NRDC: variants seen among roughly 807,000 people sequenced by gnomAD.
NRDC encodes nardilysin.
In NRDC, 54 loss-of-function variants were observed where a neutral mutation model predicts 147.1. That is an observed-to-expected ratio of 0.37 (90% CI 0.29 to 0.46). The LOEUF (loss-of-function observed/expected upper bound fraction) is 0.46, where lower values mean the gene tolerates loss of function less well. Ranked by LOEUF, NRDC falls within the 20% of genes least tolerant of loss-of-function variation. The pLI, the probability that NRDC is intolerant of heterozygous loss-of-function variation, is 1.00. For missense variants in NRDC, 1,082 were observed against 1,370.6 expected (o/e 0.79, Z 3.33); for synonymous variants, 440 against 482.1 (o/e 0.91, Z 1.14).
chr1:51,841,274 A>G (rs1333102709), intron 1 of NRDC, among the ~76,000 whole-genome samples: 1 of 152,046 alleles, frequency 6.6e-6, no homozygotes, highest in African/African-American at 2.4e-5. Context: ...ATGACTAGGT[A>G]TCTATTACAG....
intron 1 of NRDC, among the ~76,000 whole-genome samples, chr1:51,859,467 T>G (rs2124064589): frequency 6.6e-6 from 1 of 152,344 alleles, no homozygotes; most frequent in East Asian, 1.9e-4. Context: ...GGCCACCAGC[T>G]GCAAGGCAGA....
rs746684379 is a variant in NRDC, at chr1:51,836,480, G to A, written c.631-268C>T. Reference sequence around the variant, plus strand: ...GAAACAGACAGAAAAAAAGGGAAGAGGGACTGGACAGCCCACCCAAATATC... The same window carrying A: ...GAAACAGACAGAAAAAAAGGGAAGAAGGACTGGACAGCCCACCCAAATATC... On this transcript the variant is annotated intron_variant, in intron 2 of 30. Coordinates refer to ENST00000352171, the MANE Select transcript of NRDC (RefSeq NM_001101662.2). 34 of 1,540,908 alleles carry A rather than the reference G, an allele frequency of 2.2e-5. 1 individual carries two copies. The Middle Eastern group carries it at 2.9e-3, about 130-fold the overall frequency.
chr1:51,810,136 G>A (rs41293257), intron 16 of NRDC, 145 bp downstream of exon 16: 22 of 485,572 alleles, frequency 4.5e-5, no homozygotes, highest in Non-Finnish European at 7.3e-5. Context: ...TTCCTGTGCA[G>A]TAGTATAAGT....
chr1:51,862,937 G>A (rs1204163903), intron 1 of NRDC, among the ~76,000 whole-genome samples: 1 of 146,874 alleles, frequency 6.8e-6, no homozygotes, highest in East Asian at 2.0e-4. Context: ...TTGAACCTGG[G>A]AGGCAGAGTT....
intron 16 of NRDC, 76 bp downstream of exon 16, chr1:51,810,205 T>C: frequency 8.5e-7 from 1 of 1,173,656 alleles, no homozygotes; most frequent in Non-Finnish European, 1.2e-6. Flanking sequence ...TCTAGAACCA[T>C]TAAATTATTA....
At chr1:51,833,477 G>GAA (rs2149217490) in intron 4 of NRDC, among the ~76,000 whole-genome samples, 1 of 148,684 alleles carries the variant, frequency 6.7e-6, no homozygotes, top group South Asian at 2.1e-4. Context: ...AGTCAACAGA[G>GAA]AATACATAAT....
chr1:51,839,719 A>G (rs545680061), intron 2 of NRDC, among the ~76,000 whole-genome samples: 23 of 152,308 alleles, frequency 1.5e-4, no homozygotes, highest in African/African-American at 5.3e-4. Context: ...AAAGTGCTAA[A>G]TCAAACTCAA....
chr1:51,850,765 T>C (rs1366170368), intron 1 of NRDC, among the ~76,000 whole-genome samples: 1 of 152,210 alleles, frequency 6.6e-6, no homozygotes, highest in East Asian at 1.9e-4. Flanking sequence ...ACTCGTCTGC[T>C]ATCCTGAAAT....
rs1400942474 is a variant in NRDC at position 51,805,567 on chromosome 1, AG to A, written c.2111-7del. On this transcript the variant is annotated splice_region_variant and splice_polypyrimidine_tract_variant and intron_variant, in intron 18 of 30. Coordinates refer to ENST00000352171, the MANE Select transcript of NRDC (RefSeq NM_001101662.2). ...TAGATGGAAACGTATATATGCTAAA[AG>A]AAAAAAGACCATAGATAAAAAAGGT... The A allele has an allele frequency of 6.4e-7, 1 of 1,565,926 alleles. No homozygotes were observed. The highest frequency in any genetic ancestry group is 2.0e-5 in the Admixed American group (1 of 49,514).
intron 9 of NRDC, 44 bp downstream of exon 9, chr1:51,819,756 T>C (rs761965413): frequency 1.4e-6 from 2 of 1,456,154 alleles, no homozygotes; most frequent in Non-Finnish European, 1.9e-6. Context: ...ATAGAGAATG[T>C]GCTAACATTA....
At chr1:51,838,836 G>A (rs1413998854) in intron 2 of NRDC, among the ~76,000 whole-genome samples, 1 of 151,950 alleles carries the variant, frequency 6.6e-6, no homozygotes, top group Middle Eastern at 3.2e-3. Context: ...TGTTCATAGA[G>A]ACCTTAGCAT....
chr1:51,815,834 T>G (rs1329656295), intron 11 of NRDC: 1 of 152,234 alleles, frequency 6.6e-6, no homozygotes. Flanking sequence ...ACAGGTGCTT[T>G]AATGCTTAGG....
chr1:51,874,073 G>A (rs911058627), intron 1 of NRDC, among the ~76,000 whole-genome samples: 4 of 150,284 alleles, frequency 2.7e-5, no homozygotes, highest in Non-Finnish European at 5.9e-5. Flanking sequence ...GGTGGGGCAG[G>A]TTGTGATGGT....
rs138020449 is a variant in NRDC, at chr1:51,834,109, C to A, written c.774G>T (p.Lys258Asn). The change falls in exon 4 of 31, where the codon AAG (lysine) becomes AAT (asparagine). Residue 258 changes from lysine to asparagine, a missense_variant. Coordinates refer to ENST00000352171, the MANE Select transcript of NRDC (RefSeq NM_001101662.2). ...TTGAGGCATTATCACTACCCCCATG[C>A]TTCTTCAGGAAGGCATCAAATCCAT... ...DENGFDAFLKKHGGSDNASTD... is the reference protein window; with the variant it reads ...DENGFDAFLKNHGGSDNASTD... The A allele has an allele frequency of 8.7e-6, 14 of 1,613,972 alleles. No homozygotes were observed. The African/African-American group carries it at 1.5e-4, about 17-fold the overall frequency.
intron 1 of NRDC, among the ~76,000 whole-genome samples, chr1:51,846,476 T>C (rs893972813): frequency 6.6e-6 from 1 of 152,244 alleles, no homozygotes; most frequent in Non-Finnish European, 1.5e-5. Context: ...GGGTTCTTGG[T>C]CTCACTGACT....
intron 4 of NRDC, among the ~76,000 whole-genome samples, chr1:51,830,195 C>T (rs1680645083): frequency 6.6e-6 from 1 of 152,012 alleles, no homozygotes; most frequent in Admixed American, 6.5e-5. Flanking sequence ...AAACTCCTGA[C>T]CTCGTGATCC....
At chr1:51,833,591 C>A (rs1158240131) in intron 4 of NRDC, among the ~76,000 whole-genome samples, 1 of 151,840 alleles carries the variant, frequency 6.6e-6, no homozygotes, top group Admixed American at 6.6e-5. Context: ...AACAGTTTAA[C>A]AGCTTTTTTC....
chr1:51,812,752 C>T (rs905856135), intron 14 of NRDC, among the ~76,000 whole-genome samples: 4 of 152,102 alleles, frequency 2.6e-5, no homozygotes, highest in Non-Finnish European at 5.9e-5. Flanking sequence ...ATCACTACAG[C>T]ACTATCGTCT....
intron 17 of NRDC, 124 bp from the exon 18 acceptor site, chr1:51,807,037 G>A: frequency 6.3e-6 from 7 of 1,108,790 alleles, no homozygotes; most frequent in South Asian, 3.4e-5. Context: ...TTCAAATGTT[G>A]GAATACATTA....
Sources: gnomAD v4.1 joint callset for allele counts (sites outside exome capture counted in the v4.1 genomes callset) on GRCh38, gnomAD v4.1.1 for gene constraint, MANE v1.5 for transcripts, NCBI Gene and HGNC (gene_info 2026-07-23, HGNC 2026-07-21) for gene names.